The following BICC1 variants were observed in gnomAD, a reference collection of about 807,000 sequenced individuals.
BICC1 encodes BicC family RNA binding protein 1.
BICC1 carries 43 observed loss-of-function variants against 111.0 expected under a neutral mutation model. The ratio of observed to expected loss-of-function variants is 0.39; its 90% CI spans 0.30 to 0.50. The LOEUF (loss-of-function observed/expected upper bound fraction) is 0.50. Among genes scored for constraint, BICC1 ranks in the 20% least tolerant of loss-of-function variants. The pLI, the probability that BICC1 is intolerant of heterozygous loss-of-function variation, is 0.88. For missense variants in BICC1, 1,091 were observed against 1,203.2 expected, an observed-to-expected ratio of 0.91 and a Z score of 1.38; for synonymous variants, 467 against 434.4, an observed-to-expected ratio of 1.07 and a Z score of -0.93.
At chr10:58,794,461 A>G (rs1356322204) in intron 9 of BICC1, among the ~76,000 whole-genome samples, 2 of 151,006 alleles carry the variant, frequency 1.3e-5, no homozygotes, top group Non-Finnish European at 3.0e-5. Context: ...CTTTATCACC[A>G]AGGCTGGAGT....
chr10:58,801,037 C>CA lies in BICC1; in HGVS notation c.2007dup (p.His670ThrfsTer6). 1 of 1,605,730 alleles carries CA rather than the reference C, an allele frequency of 6.2e-7. No homozygotes were observed. The highest frequency in any genetic ancestry group is 1.1e-5 in the South Asian group (1 of 89,318). ...GAACTATTGCAAGGCACGAAAAACT[C>CA]ACACTTACAGTATGTATTTTAATCT... On this transcript the variant is annotated frameshift_variant, in exon 14 of 21. Transcript: ENST00000373886. LOFTEE classifies it high-confidence loss of function.
Position 58,774,943 on chromosome 10 carries a change from A to G in BICC1, c.308-10058A>G, listed in dbSNP as rs376738522. 1.1e-3 allele frequency among the ~76,000 whole-genome samples: 171 copies of G among 152,322 alleles called. 1 individual carries two copies. The highest frequency in any genetic ancestry group is 3.8e-3 in the African/African-American group (160 of 41,574). On this transcript the variant is annotated intron_variant, in intron 3 of 20. Coordinates refer to ENST00000373886, the MANE Select transcript of BICC1 (RefSeq NM_001080512.3). The stretch of plus-strand genomic sequence containing the variant: ...CTCTTTGTATGGGAAGAAATTTCAG[A>G]AGATCATCTTTCTTGTTAGAAAGGA...
chr10:58,683,839 C>T (rs1839619392), intron 2 of BICC1, among the ~76,000 whole-genome samples: 1 of 152,142 alleles, frequency 6.6e-6, no homozygotes, highest in Non-Finnish European at 1.5e-5. Context: ...ATTTGATTTC[C>T]TCTTTTCCTA....
chr10:58,566,454 C>CT (rs902509252), intron 1 of BICC1, among the ~76,000 whole-genome samples: 5 of 152,110 alleles, frequency 3.3e-5, no homozygotes, highest in African/African-American at 1.2e-4. Context: ...AATTTTGCTA[C>CT]TATAAACATG....
intron 3 of BICC1, among the ~76,000 whole-genome samples, chr10:58,748,959 G>A (rs1841912232): frequency 6.6e-6 from 1 of 152,102 alleles, no homozygotes; most frequent in African/African-American, 2.4e-5. Flanking sequence ...AGCTCTTTGA[G>A]CTTGCCTAGG....
chr10:58,557,690 T>A (rs994352553), intron 1 of BICC1, among the ~76,000 whole-genome samples: 2 of 152,136 alleles, frequency 1.3e-5, no homozygotes, highest in Non-Finnish European at 2.9e-5. Context: ...GTTTTCATCT[T>A]GAGAAGTTTA....
At chr10:58,749,303 A>G (rs1589098638) in intron 3 of BICC1, among the ~76,000 whole-genome samples, 1 of 152,098 alleles carries the variant, frequency 6.6e-6, no homozygotes, top group Non-Finnish European at 1.5e-5. Flanking sequence ...GGTTTCTGTT[A>G]TGCTCTATTT....
In BICC1 at chr10:58,624,686, C is replaced by T. The variant is rs550207027; in HGVS notation, c.237+3785C>T. 1.1e-4 allele frequency among the ~76,000 whole-genome samples: 17 copies of T among 152,280 alleles called. No individual in the cohort carries two copies. In the Middle Eastern group the frequency reaches 0.01, roughly 91 times the overall value. On this transcript the variant is annotated intron_variant, in intron 2 of 20. Coordinates refer to ENST00000373886, the MANE Select transcript of BICC1 (RefSeq NM_001080512.3). The stretch of plus-strand genomic sequence containing the variant: ...TCAGCTCACTGTAACCCCTGCCTCC[C>T]GGGTTCAAGTGATTCTCCTGCCTCA...
chr10:58,793,412 G>A (rs1245058508), intron 8 of BICC1, 72 bp from the exon 9 acceptor site: 3 of 1,346,760 alleles, frequency 2.2e-6, no homozygotes, highest in South Asian at 1.3e-5. Context: ...TTATTTGCAG[G>A]CATGTTAAAT....
At chr10:58,566,148 ATG>A (rs35056463) in intron 1 of BICC1, among the ~76,000 whole-genome samples, 15 of 150,808 alleles carry the variant, frequency 9.9e-5, no homozygotes, top group African/African-American at 2.4e-4. Context: ...TAATTCAATG[ATG>A]TGTGTGTGTG....
At chr10:58,592,036 T>G (rs1012255369) in intron 1 of BICC1, among the ~76,000 whole-genome samples, 1 of 152,230 alleles carries the variant, frequency 6.6e-6, no homozygotes, top group Admixed American at 6.5e-5. Context: ...TCCATACCTT[T>G]TATAATTTTA....
At chr10:58,680,574 A>G (rs918566429) in intron 2 of BICC1, among the ~76,000 whole-genome samples, 1 of 152,228 alleles carries the variant, frequency 6.6e-6, no homozygotes, top group Non-Finnish European at 1.5e-5. Context: ...AGGAAGAATC[A>G]ATATCATGAA....
At chr10:58,629,862 C>G (rs1392141540) in intron 2 of BICC1, among the ~76,000 whole-genome samples, 4 of 152,084 alleles carry the variant, frequency 2.6e-5, no homozygotes, top group South Asian at 4.1e-4. Context: ...TTGGCCAATT[C>G]AATTCTTTAA....
intron 1 of BICC1, among the ~76,000 whole-genome samples, chr10:58,559,755 A>G (rs1405146394): frequency 6.6e-6 from 1 of 152,114 alleles, no homozygotes; most frequent in African/African-American, 2.4e-5. Flanking sequence ...GTGTTGAGGT[A>G]CATTCCTTCT....
At chr10:58,687,461 C>A (rs1447062666) in intron 2 of BICC1, among the ~76,000 whole-genome samples, 2 of 152,222 alleles carry the variant, frequency 1.3e-5, no homozygotes, top group African/African-American at 4.8e-5. Context: ...ATGCCCTGCC[C>A]CCAGAGGTGG....
chr10:58,709,314 T>A (rs1253235883), intron 3 of BICC1, among the ~76,000 whole-genome samples: 2 of 152,222 alleles, frequency 1.3e-5, no homozygotes, highest in East Asian at 3.9e-4. Context: ...GAACATGCAG[T>A]ATTTATCTTT....
rs565797857 is a variant in BICC1, at chr10:58,741,569, T to G, written c.307+39426T>G. ...CAATATAGAATGACAGAAATACATC[T>G]CAAAAACTATTTGTTAGTTGAAGCT... On this transcript the variant is annotated intron_variant, in intron 3 of 20. Transcript: ENST00000373886. 1.8e-4 allele frequency among the ~76,000 whole-genome samples: 28 copies of G among 152,284 alleles called. No individual in the cohort carries two copies. The South Asian group carries it at 5.8e-3, about 32-fold the overall frequency.
At chr10:58,777,629 G>A (rs1842781604) in intron 3 of BICC1, among the ~76,000 whole-genome samples, 2 of 152,072 alleles carry the variant, frequency 1.3e-5, no homozygotes, top group Non-Finnish European at 2.9e-5. Context: ...AGCTGAAAAT[G>A]CCTAAGGAAT....
At chr10:58,786,589 A>C (rs1299341422) in intron 4 of BICC1, among the ~76,000 whole-genome samples, 2 of 152,136 alleles carry the variant, frequency 1.3e-5, no homozygotes, top group African/African-American at 4.8e-5. Context: ...ATTTGAATTA[A>C]ATGTTTCGTG....
Sources: allele counts gnomAD v4.1 joint callset (sites outside exome capture counted in the v4.1 genomes callset), GRCh38; gene constraint gnomAD v4.1.1; transcripts MANE v1.5; gene names NCBI Gene and HGNC (gene_info 2026-07-23, HGNC 2026-07-21).